The following RGL1 variants were observed in gnomAD, a reference collection of about 807,000 sequenced individuals.
RGL1 encodes ral guanine nucleotide dissociation stimulator-like 1.
Under a neutral mutation model 95.2 loss-of-function variants are expected in RGL1, and 24 were observed. That is an observed-to-expected ratio of 0.25 (90% CI 0.18 to 0.35). RGL1 has a LOEUF of 0.35. RGL1 is among the 10% of genes least tolerant of loss of function. The pLI is 1.00. For synonymous variants in RGL1, 329 were observed against 344.9 expected (o/e 0.95, Z 0.51); for missense variants, 715 against 936.3 (o/e 0.76, Z 3.08).
At position 183,847,781 on chromosome 1, in the gene RGL1, A is replaced by G. The variant is rs1211398944; in HGVS notation, c.347+7A>G. The G allele has an allele frequency of 1.9e-6, 3 of 1,610,294 alleles. No individual in the cohort carries two copies. In the African/African-American group the frequency reaches 4.0e-5, roughly 22 times the overall value. On this transcript the variant is annotated splice_region_variant and intron_variant, in intron 3 of 17. Transcript: ENST00000360851. ...TGGAACTACTGCTGGACAGGTAAGA[A>G]TGTAAAGGAGCTTTTGAGTTGAAAG... is the stretch of plus-strand genomic sequence containing the variant.
chr1:183,823,235 T>C (rs1444424040), intron 2 of RGL1, among the ~76,000 whole-genome samples: 4 of 152,190 alleles, frequency 2.6e-5, no homozygotes, highest in African/African-American at 9.7e-5. Flanking sequence ...TCTATAAATA[T>C]ATTGCCCCCA....
chr1:183,744,828 A>G (rs1657523745), intron 2 of RGL1, among the ~76,000 whole-genome samples: 1 of 152,154 alleles, frequency 6.6e-6, no homozygotes, highest in Non-Finnish European at 1.5e-5. Context: ...TTTTCTTTCA[A>G]TACAATTGGC....
chr1:183,893,709 C>T (rs899442766), intron 9 of RGL1, among the ~76,000 whole-genome samples: 4 of 152,174 alleles, frequency 2.6e-5, no homozygotes, highest in Non-Finnish European at 4.4e-5. Context: ...TTCCTTCATT[C>T]TCAGGTCTGT....
chr1:183,713,898 A>G (rs1362063381), intron 1 of RGL1, among the ~76,000 whole-genome samples: 2 of 152,230 alleles, frequency 1.3e-5, no homozygotes, highest in African/African-American at 2.4e-5. Flanking sequence ...ACATTTATTT[A>G]AGGTGCTCAA....
intron 6 of RGL1, among the ~76,000 whole-genome samples, 200 bp downstream of exon 6, chr1:183,884,110 A>G (rs1666983030): frequency 6.6e-6 from 1 of 152,232 alleles, no homozygotes. Context: ...TCTTCTTGCA[A>G]CTCTAGGAGA....
In RGL1 at chr1:183,692,713, A is replaced by G. The variant is rs188902482; in HGVS notation, c.-32-49413A>G. Among the ~76,000 whole-genome samples the G allele has an allele frequency of 4.2e-3, 645 of 152,296 alleles. 3 individuals are homozygous for G. The highest frequency in any genetic ancestry group is 5.6e-3 in the Non-Finnish European group (383 of 68,018). ...AATAGCATTATGAAGGGAATATGGA[A>G]CAAACAACAATCTATTTATGAAGAA... On this transcript the variant is annotated intron_variant, in intron 1 of 18. Transcript: ENST00000304685.
chr1:183,878,005 G>A (rs1020854729), intron 4 of RGL1, among the ~76,000 whole-genome samples: 13 of 152,272 alleles, frequency 8.5e-5, no homozygotes, highest in African/African-American at 3.1e-4. Context: ...GTGACAACCT[G>A]AAAATAACTT....
intron 1 of RGL1, among the ~76,000 whole-genome samples, chr1:183,646,176 T>C (rs922449620): frequency 6.6e-6 from 1 of 152,200 alleles, no homozygotes; most frequent in African/African-American, 2.4e-5. Context: ...GAAATAAAAA[T>C]AAACCTCAAC....
intron 4 of RGL1, among the ~76,000 whole-genome samples, chr1:183,880,411 C>T (rs944621623): frequency 6.6e-6 from 1 of 152,230 alleles, no homozygotes; most frequent in Non-Finnish European, 1.5e-5. Context: ...AGTTTCACTG[C>T]AGCACTCCAC....
chr1:183,849,482 A>AAT (rs150367802), intron 3 of RGL1, among the ~76,000 whole-genome samples: 3,662 of 99,276 alleles, frequency 0.037, 280 homozygotes, highest in Middle Eastern at 0.12. Flanking sequence ...TCCAGTTTTT[A>AAT]GTTTTTTTTT....
At chr1:183,838,239 G>A (rs1663800313) in intron 2 of RGL1, among the ~76,000 whole-genome samples, 1 of 152,188 alleles carries the variant, frequency 6.6e-6, no homozygotes, top group Non-Finnish European at 1.5e-5. Flanking sequence ...TTGTGTTAGA[G>A]AAGATAGAAT....
chr1:183,765,400 A>G (rs1422171655), intron 2 of RGL1, among the ~76,000 whole-genome samples: 1 of 152,252 alleles, frequency 6.6e-6, no homozygotes, highest in African/African-American at 2.4e-5. Flanking sequence ...AGAGAGGGAG[A>G]AATATGCCTC....
At chr1:183,720,417 T>C (rs1360962489) in intron 1 of RGL1, among the ~76,000 whole-genome samples, 3 of 152,208 alleles carry the variant, frequency 2.0e-5, no homozygotes, top group Non-Finnish European at 4.4e-5. Flanking sequence ...ACAAGCTTTG[T>C]TACCATTCTT....
intron 4 of RGL1, among the ~76,000 whole-genome samples, chr1:183,867,017 G>A (rs755234963): frequency 2.0e-5 from 3 of 152,174 alleles, no homozygotes; most frequent in South Asian, 2.1e-4. Flanking sequence ...TTTGAGCAGC[G>A]GAGAGACAGA....
chr1:183,729,432 A>G (rs907666203), intron 1 of RGL1, among the ~76,000 whole-genome samples: 5 of 152,210 alleles, frequency 3.3e-5, no homozygotes, highest in African/African-American at 1.2e-4. Flanking sequence ...CATCCGTTAG[A>G]ACATTAGAGT....
At chr1:183,717,959 G>C (rs1279455592) in intron 1 of RGL1, among the ~76,000 whole-genome samples, 1 of 152,122 alleles carries the variant, frequency 6.6e-6, no homozygotes, top group African/African-American at 2.4e-5. Context: ...AAAAGAGCTT[G>C]TTCATGGCTG....
Position 183,747,617 on chromosome 1 carries a change from C to A in RGL1, c.132+5328C>A, listed in dbSNP as rs147259557. On this transcript the variant is annotated intron_variant, in intron 2 of 18. Transcript: ENST00000304685. ...TTCACTCTGATGATAGATTCTTTTG[C>A]TGTGCAGAAGCTCTACATTTATTGA... Among the ~76,000 whole-genome samples the A allele has an allele frequency of 5.1e-3, 769 of 152,230 alleles. 8 individuals carry two copies. Among genetic ancestry groups the A allele is most frequent in the African/African-American group, 0.018 (745 of 41,556 alleles).
At chr1:183,742,432 A>C in intron 2 of RGL1, 1 of 903,810 alleles carries the variant, frequency 1.1e-6, no homozygotes, top group Non-Finnish European at 1.7e-6. Flanking sequence ...ACTGGAGAAC[A>C]AGTAAGTCAG....
At chr1:183,861,708 T>G (rs2102580833) in intron 3 of RGL1, among the ~76,000 whole-genome samples, 1 of 152,370 alleles carries the variant, frequency 6.6e-6, no homozygotes, top group South Asian at 2.1e-4. Flanking sequence ...TTGGTAAGCC[T>G]TCTTAAGAGG....
Sources: gnomAD v4.1 joint callset for allele counts (sites outside exome capture counted in the v4.1 genomes callset) on GRCh38, gnomAD v4.1.1 for gene constraint, MANE v1.5 for transcripts, NCBI Gene and HGNC (gene_info 2026-07-23, HGNC 2026-07-21) for gene names.